The following ADAMTSL1 variants were observed in gnomAD, a reference collection of about 807,000 sequenced individuals.
The protein encoded by ADAMTSL1 is ADAMTS-like protein 1.
Under a neutral mutation model 201.8 loss-of-function variants are expected in ADAMTSL1, and 126 were observed. The observed-to-expected ratio is 0.62, with a 90% CI of 0.54 to 0.72. The LOEUF (loss-of-function observed/expected upper bound fraction) is 0.72. Ranked by LOEUF, ADAMTSL1 falls within the 30% of genes least tolerant of loss-of-function variation. The pLI is 0.00. For synonymous variants in ADAMTSL1, 1,121 were observed against 903.4 expected, an observed-to-expected ratio of 1.24 and a Z score of -4.32; for missense variants, 2,679 against 2,277.8, an observed-to-expected ratio of 1.18 and a Z score of -3.59.
intron 2 of ADAMTSL1, among the ~76,000 whole-genome samples, chr9:18,247,693 G>C (rs1055914479): frequency 6.6e-6 from 1 of 152,166 alleles, no homozygotes; most frequent in African/African-American, 2.4e-5. Context: ...AAGAAAGTGT[G>C]TGAAGAAGCC....
chr9:18,851,918 C>T (rs559459686), intron 23 of ADAMTSL1, among the ~76,000 whole-genome samples: 1 of 152,322 alleles, frequency 6.6e-6, no homozygotes, highest in East Asian at 1.9e-4. Context: ...TGCTGATCAC[C>T]AGCTTCAGGT....
At chr9:18,422,839 C>A (rs1435959470) in intron 2 of ADAMTSL1, among the ~76,000 whole-genome samples, 1 of 152,108 alleles carries the variant, frequency 6.6e-6, no homozygotes, top group African/African-American at 2.4e-5. Context: ...TAAAGATAAC[C>A]AACAGCTCCC....
At chr9:18,157,875 G>C (rs1332059509) in intron 1 of ADAMTSL1, among the ~76,000 whole-genome samples, 4 of 151,992 alleles carry the variant, frequency 2.6e-5, no homozygotes, top group Admixed American at 6.6e-5. Context: ...GCCATTAGCT[G>C]TGAACACCTG....
chr9:18,517,639 A>G (rs1419403539), intron 2 of ADAMTSL1, among the ~76,000 whole-genome samples: 2 of 148,384 alleles, frequency 1.3e-5, no homozygotes, highest in South Asian at 2.1e-4. Flanking sequence ...TCATTGTTCA[A>G]TTCCCACCTA....
chr9:18,290,241 G>A (rs1229830620), intron 2 of ADAMTSL1, among the ~76,000 whole-genome samples: 1 of 151,856 alleles, frequency 6.6e-6, no homozygotes, highest in Non-Finnish European at 1.5e-5. Flanking sequence ...TCAGGACTAG[G>A]TTGATCTTTT....
At chr9:18,298,197 T>G (rs1226094103) in intron 2 of ADAMTSL1, among the ~76,000 whole-genome samples, 1 of 152,042 alleles carries the variant, frequency 6.6e-6, no homozygotes, top group African/African-American at 2.4e-5. Flanking sequence ...GAGACTCCAA[T>G]TAAGATAAAG....
At chr9:18,723,617 T>A (rs983300447) in intron 15 of ADAMTSL1, 2 of 154,730 alleles carry the variant, frequency 1.3e-5, no homozygotes, top group African/African-American at 4.8e-5. Flanking sequence ...ATTCTCTGAT[T>A]TCCCACCAGC....
chr9:18,398,205 A>C (rs1049357348), intron 2 of ADAMTSL1, among the ~76,000 whole-genome samples: 1 of 152,184 alleles, frequency 6.6e-6, no homozygotes, highest in African/African-American at 2.4e-5. Flanking sequence ...ACTCCCAGTG[A>C]ATACCCTGAT....
intron 2 of ADAMTSL1, among the ~76,000 whole-genome samples, chr9:18,506,850 G>A (rs1587404602): frequency 6.6e-6 from 1 of 151,848 alleles, no homozygotes; most frequent in Non-Finnish European, 1.5e-5. Context: ...CATTCTTTAG[G>A]AATTTGAAGA....
chr9:18,667,815 C>A lies in ADAMTSL1; in HGVS notation c.1085+5742C>A, dbSNP rs570385532. Among the ~76,000 whole-genome samples the A allele has an allele frequency of 8.5e-5, 13 of 152,216 alleles. No homozygotes were observed. In the East Asian group the frequency reaches 1.4e-3, roughly 16 times the overall value. On this transcript the variant is annotated intron_variant, in intron 9 of 28. Transcript: ENST00000380548. Reference sequence around the variant, plus strand: ...TCTGTATGGGTCTAGAAAGATGGTTCTCTGTTTGTTGTTTTAACAACAGGA... The same window carrying A: ...TCTGTATGGGTCTAGAAAGATGGTTATCTGTTTGTTGTTTTAACAACAGGA...
chr9:18,686,675 G>T (rs569107140), intron 13 of ADAMTSL1, among the ~76,000 whole-genome samples: 2 of 152,136 alleles, frequency 1.3e-5, no homozygotes, highest in African/African-American at 2.4e-5. Flanking sequence ...GGACTAAAGC[G>T]TAATCCTATG....
chr9:18,177,612 T>C (rs1436605759), intron 2 of ADAMTSL1, among the ~76,000 whole-genome samples: 1 of 152,184 alleles, frequency 6.6e-6, no homozygotes, highest in Non-Finnish European at 1.5e-5. Flanking sequence ...CAAGGATACT[T>C]GGTGATCCAA....
intron 4 of ADAMTSL1, among the ~76,000 whole-genome samples, chr9:18,614,673 A>C (rs1360679609): frequency 6.6e-6 from 1 of 152,076 alleles, no homozygotes; most frequent in Non-Finnish European, 1.5e-5. Flanking sequence ...AAATAATCTG[A>C]TTAAAACCCC....
chr9:18,183,020 G>A (rs565232482), intron 2 of ADAMTSL1, among the ~76,000 whole-genome samples: 26 of 152,252 alleles, frequency 1.7e-4, no homozygotes, highest in African/African-American at 5.1e-4. Flanking sequence ...TGATTCTAAA[G>A]CCATTAATTC....
intron 2 of ADAMTSL1, among the ~76,000 whole-genome samples, chr9:18,283,665 C>G (rs1832879219): frequency 6.9e-6 from 1 of 144,016 alleles, no homozygotes; most frequent in African/African-American, 2.6e-5. Flanking sequence ...GTAATCCTAG[C>G]ACTTTGGGAG....
intron 2 of ADAMTSL1, among the ~76,000 whole-genome samples, chr9:18,394,402 T>C (rs541823063): frequency 3.3e-4 from 50 of 152,356 alleles, no homozygotes; most frequent in Non-Finnish European, 5.6e-4. Flanking sequence ...TCAGATGTTA[T>C]TTGTTGAATG....
At chr9:17,923,608 C>G (rs1487964734) in intron 1 of ADAMTSL1, among the ~76,000 whole-genome samples, 1 of 138,790 alleles carries the variant, frequency 7.2e-6, no homozygotes, top group African/African-American at 2.7e-5. Context: ...TAATTGAATA[C>G]CCTTTATTTC....
chr9:18,686,309 C>T (rs1830835368), intron 13 of ADAMTSL1, among the ~76,000 whole-genome samples: 1 of 152,188 alleles, frequency 6.6e-6, no homozygotes, highest in Admixed American at 6.5e-5. Context: ...AACTTTTTGA[C>T]TTCTTTGAGA....
At chr9:18,210,255 G>C (rs1461814836) in intron 2 of ADAMTSL1, among the ~76,000 whole-genome samples, 3 of 150,494 alleles carry the variant, frequency 2.0e-5, no homozygotes, top group African/African-American at 4.9e-5. Flanking sequence ...TATAAAACAT[G>C]TCAGAGTTTT....
Sources: allele counts gnomAD v4.1 joint callset (sites outside exome capture counted in the v4.1 genomes callset), GRCh38; gene constraint gnomAD v4.1.1; transcripts MANE v1.5; gene names NCBI Gene and HGNC (gene_info 2026-07-23, HGNC 2026-07-21).